The following SH3BGRL2 variants were observed in gnomAD, a reference collection of about 807,000 sequenced individuals.
SH3BGRL2 encodes SH3 domain-binding glutamic acid-rich-like protein 2.
SH3BGRL2 carries 21 observed loss-of-function variants against 14.8 expected under a neutral mutation model. That is an observed-to-expected ratio of 1.42 (90% CI 1.01 to 2.05). The LOEUF (loss-of-function observed/expected upper bound fraction) is 2.05. SH3BGRL2 is among the 30% of genes most tolerant of loss of function. SH3BGRL2 has a pLI of 0.00. For missense variants in SH3BGRL2, 147 were observed against 130.8 expected (o/e 1.12, Z -0.61); for synonymous variants, 50 against 47.8 (o/e 1.05, Z -0.19).
At chr6:79,608,685 AT>A in the SH3BGRL2 span, among the ~76,000 whole-genome samples, 1 of 152,096 alleles carries the variant, frequency 6.6e-6, no homozygotes, top group African/African-American at 2.4e-5. Context: ...GACAAATAAA[AT>A]TTTTGTTGCA....
At chr6:79,570,044 C>A in the SH3BGRL2 span, among the ~76,000 whole-genome samples, 1 of 152,274 alleles carries the variant, frequency 6.6e-6, no homozygotes, top group African/African-American at 2.4e-5. Context: ...TGCTGAGTAG[C>A]AATGGTTTTC....
intron 1 of SH3BGRL2, among the ~76,000 whole-genome samples, chr6:79,633,998 C>T (rs147612320): frequency 6.6e-6 from 1 of 152,158 alleles, no homozygotes; most frequent in African/African-American, 2.4e-5. Flanking sequence ...CCAACTGTGA[C>T]GAGCAAGTGC....
chr6:79,598,124 C>T, the SH3BGRL2 span, among the ~76,000 whole-genome samples: 2 of 152,276 alleles, frequency 1.3e-5, no homozygotes, highest in East Asian at 3.9e-4. Context: ...GAAAGTGAAG[C>T]CCTCATACAA....
At chr6:79,684,629 G>T (rs926227071) in intron 2 of SH3BGRL2, among the ~76,000 whole-genome samples, 1 of 152,138 alleles carries the variant, frequency 6.6e-6, no homozygotes, top group Middle Eastern at 3.2e-3. Context: ...GTGGTTTGAA[G>T]TCCGTTAAGC....
At chr6:79,572,729 T>C in the SH3BGRL2 span, among the ~76,000 whole-genome samples, 3 of 152,176 alleles carry the variant, frequency 2.0e-5, no homozygotes, top group Non-Finnish European at 2.9e-5. Flanking sequence ...CCTCCAAAAG[T>C]GCTGGGATTA....
At chr6:79,545,663 G>A in the SH3BGRL2 span, among the ~76,000 whole-genome samples, 2 of 152,192 alleles carry the variant, frequency 1.3e-5, no homozygotes, top group African/African-American at 2.4e-5. Flanking sequence ...TGGAGGACCT[G>A]CATAATACTA....
intron 2 of SH3BGRL2, among the ~76,000 whole-genome samples, chr6:79,678,648 A>C (rs1321537888): frequency 1.3e-5 from 2 of 152,136 alleles, no homozygotes; most frequent in Non-Finnish European, 2.9e-5. Flanking sequence ...TAATTTTTAG[A>C]ATTATTTTAT....
chr6:79,633,344 C>T (rs1768861626), intron 1 of SH3BGRL2, among the ~76,000 whole-genome samples: 1 of 152,214 alleles, frequency 6.6e-6, no homozygotes, highest in Non-Finnish European at 1.5e-5. Context: ...TTTGACTTCA[C>T]CAGGTGAGTA....
At position 79,691,808 on chromosome 6, in the gene SH3BGRL2, A is replaced by G. The variant is rs557699186; in HGVS notation, c.232-4677A>G. ...CTTTGCTATTGTGAATAGTGCCACA[A>G]TAAACATACGTGTGCATGTGTCTTT... On this transcript the variant is annotated intron_variant, in intron 2 of 3. Transcript: ENST00000369838. Among the ~76,000 whole-genome samples, 69 of 151,836 alleles carry G rather than the reference A, an allele frequency of 4.5e-4. 1 individual carries two copies. The highest frequency in any genetic ancestry group is 4.3e-3 in the Admixed American group (65 of 15,246).
the SH3BGRL2 span, among the ~76,000 whole-genome samples, chr6:79,622,305 A>G: frequency 1.3e-5 from 2 of 152,176 alleles, no homozygotes; most frequent in Admixed American, 6.5e-5. Flanking sequence ...CCTTGACTAC[A>G]AAGACAATTG....
the SH3BGRL2 span, among the ~76,000 whole-genome samples, chr6:79,613,779 G>A: frequency 1.3e-5 from 2 of 151,884 alleles, no homozygotes; most frequent in African/African-American, 4.8e-5. Context: ...GCTAATTTTT[G>A]TATTTTTTAG....
intron 1 of SH3BGRL2, among the ~76,000 whole-genome samples, chr6:79,673,340 C>T (rs532675301): frequency 6.3e-4 from 95 of 151,772 alleles, no homozygotes; most frequent in African/African-American, 2.2e-3. Flanking sequence ...TTTGGGAGGC[C>T]GAGGTGGGTA....
the SH3BGRL2 span, among the ~76,000 whole-genome samples, chr6:79,623,780 T>C: frequency 5.3e-4 from 81 of 152,216 alleles, no homozygotes; most frequent in Non-Finnish European, 8.8e-4. Flanking sequence ...CAAATGTTCA[T>C]AATTTCCATT....
At chr6:79,607,462 AC>A in the SH3BGRL2 span, among the ~76,000 whole-genome samples, 1 of 151,876 alleles carries the variant, frequency 6.6e-6, no homozygotes, top group East Asian at 1.9e-4. Context: ...CCTTCTTTTA[AC>A]CTACAGTCCT....
At chr6:79,680,417 G>T (rs750665736) in intron 2 of SH3BGRL2, among the ~76,000 whole-genome samples, 6 of 152,134 alleles carry the variant, frequency 3.9e-5, no homozygotes, top group Non-Finnish European at 8.8e-5. Context: ...TGGACTCTCT[G>T]TTCTGTGCTA....
At chr6:79,679,860 G>C (rs989722856) in intron 2 of SH3BGRL2, among the ~76,000 whole-genome samples, 10 of 152,086 alleles carry the variant, frequency 6.6e-5, no homozygotes, top group African/African-American at 2.2e-4. Context: ...GAATATGTTT[G>C]TTAGCCATTT....
the SH3BGRL2 span, among the ~76,000 whole-genome samples, chr6:79,557,402 AAATT>A: frequency 2.0e-5 from 3 of 152,020 alleles, no homozygotes; most frequent in Non-Finnish European, 2.9e-5. Context: ...ATGACAAGAA[AAATT>A]AATTTGTGAC....
chr6:79,608,481 CA>C, the SH3BGRL2 span, among the ~76,000 whole-genome samples: 1 of 151,214 alleles, frequency 6.6e-6, no homozygotes, highest in African/African-American at 2.4e-5. Flanking sequence ...TTTCTGTAGA[CA>C]AGAAACGTGT....
chr6:79,643,630 T>C lies in SH3BGRL2; in HGVS notation c.45+12124T>C, dbSNP rs1769073522. ...GTACTAGGGGGCTTGCATTTGTTAT[T>C]TGTACTCCTTAAAGTAACTTGGTAT... On this transcript the variant is annotated intron_variant, in intron 1 of 3. Coordinates refer to ENST00000369838, the MANE Select transcript of SH3BGRL2 (RefSeq NM_031469.4). 2.0e-5 allele frequency among the ~76,000 whole-genome samples: 3 copies of C among 152,260 alleles called. No individual in the cohort carries two copies. The South Asian group carries it at 6.2e-4, about 31-fold the overall frequency.
Sources: gnomAD v4.1 joint callset for allele counts (sites outside exome capture counted in the v4.1 genomes callset) on GRCh38, gnomAD v4.1.1 for gene constraint, MANE v1.5 for transcripts, NCBI Gene and HGNC (gene_info 2026-07-23, HGNC 2026-07-21) for gene names.